Variants in CIT observed in about 807,000 individuals in gnomAD.
CIT encodes citron Rho-interacting kinase.
In CIT, 79 loss-of-function variants were observed where a neutral mutation model predicts 272.7. The ratio of observed to expected loss-of-function variants is 0.29; its 90% CI spans 0.24 to 0.35. The LOEUF is 0.35. Ranked by LOEUF, CIT falls within the 10% of genes least tolerant of loss-of-function variation. The probability of loss-of-function intolerance (pLI) is 1.00; values close to 1 mark genes in which losing one functional copy is unlikely to be tolerated. For synonymous variants in CIT, 948 were observed against 995.6 expected (o/e 0.95, Z 0.90); for missense variants, 1,909 against 2,618.3 (o/e 0.73, Z 5.91).
chr12:119,748,141 G>T (rs1019248791), intron 23 of CIT, among the ~76,000 whole-genome samples: 1 of 152,050 alleles, frequency 6.6e-6, no homozygotes, highest in African/African-American at 2.4e-5. Flanking sequence ...CTCCAGCCTG[G>T]GTGACAGAGT....
chr12:119,776,320 C>G (rs1278843606), intron 15 of CIT, 38 bp downstream of exon 15: 1 of 1,568,676 alleles, frequency 6.4e-7, no homozygotes, highest in South Asian at 1.1e-5. Flanking sequence ...GTTATCTACC[C>G]AAAATATTAA....
At position 119,752,132 on chromosome 12, in the gene CIT, G is replaced by A. The variant is rs1420656599; in HGVS notation, c.2822C>T (p.Ala941Val). The A allele has an allele frequency of 1.2e-6, 2 of 1,613,002 alleles. No individual in the cohort carries two copies. Among genetic ancestry groups the A allele is most frequent in the Non-Finnish European group, 8.5e-7 (1 of 1,180,020 alleles). Residue 941 changes from alanine to valine, a missense_variant, in exon 23 of 48, where the codon GCC becomes GTC. By Grantham distance (64) the Ala-to-Val change is moderately conservative. This residue lies in a region of CIT where 530 missense variants were observed against 822.4 expected (regional missense o/e 0.64). Transcript: ENST00000392521. ...CGCCTGGCGAAGCTGGCTCTCCAGG[G>A]CCGCCCGTGCAGCCTGCAGGGCTGT... ...QLTALQAARA[A>V]LESQLRQAKT...
chr12:119,726,543 T>A (rs1341533701), intron 28 of CIT, among the ~76,000 whole-genome samples: 1 of 152,004 alleles, frequency 6.6e-6, no homozygotes, highest in African/African-American at 2.4e-5. Context: ...CCCGCAAAAA[T>A]GTCACTATAC....
chr12:119,720,735 A>C, intron 29 of CIT, 150 bp from the exon 30 acceptor site: 3 of 505,106 alleles, frequency 5.9e-6, no homozygotes. Context: ...TATTTAGTCC[A>C]GTTTTACTGC....
At chr12:119,855,355 G>A (rs1400281565) in intron 4 of CIT, among the ~76,000 whole-genome samples, 1 of 151,996 alleles carries the variant, frequency 6.6e-6, no homozygotes, top group Non-Finnish European at 1.5e-5. Context: ...CCTGGGAGGC[G>A]GAGCTTGCAG....
Position 119,752,238 on chromosome 12 carries a change from C to G in CIT, c.2716G>C (p.Glu906Gln), listed in dbSNP as rs189689357. ...LETRLREVSL[E>Q]HEEQKLELKR... ...AGCTCCAGTTTCTGCTCCTCGTGCT[C>G]TAGACTGACCTGAGACAGAGAGAGA... The change falls in exon 23 of 48, where the codon GAG becomes CAG. Residue 906 changes from glutamate to glutamine, a missense_variant. Glu to Gln is a conservative substitution (Grantham distance 29, BLOSUM62 2). Coordinates refer to ENST00000392521, the MANE Select transcript of CIT (RefSeq NM_001206999.2). 3.5e-5 allele frequency: 56 copies of G among 1,605,306 alleles called. No homozygotes were observed. The highest frequency in any genetic ancestry group is 8.5e-7 in the Non-Finnish European group (1 of 1,178,352).
At chr12:119,825,428 C>A in intron 7 of CIT, 60 bp from the exon 8 acceptor site, 1 of 1,466,896 alleles carries the variant, frequency 6.8e-7, no homozygotes, top group South Asian at 1.2e-5. Flanking sequence ...AGTAGACTGC[C>A]AACAGCCACA....
At chr12:119,744,923 A>G (rs892164168) in intron 23 of CIT, among the ~76,000 whole-genome samples, 1 of 152,100 alleles carries the variant, frequency 6.6e-6, no homozygotes, top group African/African-American at 2.4e-5. Flanking sequence ...ATGAAACACA[A>G]TGAGAAAAGA....
Position 119,764,308 on chromosome 12 carries a change from A to G in CIT, c.2304+2779T>C, listed in dbSNP as rs187498726. 4.3e-4 allele frequency among the ~76,000 whole-genome samples: 65 copies of G among 152,366 alleles called. 1 individual carries two copies. Among genetic ancestry groups the G allele is most frequent in the African/African-American group, 1.5e-3 (61 of 41,586 alleles). ...TACAGATGATAAAATAACTATGCTC[A>G]GTACATTTAAAGAAAGAAAAGTTAG... On this transcript the variant is annotated intron_variant, in intron 19 of 47. Transcript: ENST00000392521.
intron 39 of CIT, among the ~76,000 whole-genome samples, chr12:119,708,783 C>T (rs1486045790): frequency 2.6e-5 from 4 of 152,174 alleles, no homozygotes; most frequent in South Asian, 2.1e-4. Flanking sequence ...CCACCACGCC[C>T]GGCCCAAGTC....
intron 5 of CIT, 67 bp downstream of exon 5, chr12:119,850,107 T>C: frequency 1.0e-6 from 1 of 993,228 alleles, no homozygotes; most frequent in Non-Finnish European, 1.6e-6. Context: ...CAACATTCAG[T>C]TCTACCACAG....
At chr12:119,863,529 T>TTTTG (rs1172592528) in intron 3 of CIT, among the ~76,000 whole-genome samples, 1 of 152,074 alleles carries the variant, frequency 6.6e-6, no homozygotes, top group Non-Finnish European at 1.5e-5. Context: ...TTTTTGTTTT[T>TTTTG]TTTGTTTGTT....
intron 44 of CIT, among the ~76,000 whole-genome samples, chr12:119,699,561 G>T (rs1342305398): frequency 6.6e-6 from 1 of 152,202 alleles, no homozygotes; most frequent in African/African-American, 2.4e-5. Context: ...TGGTGGAAGT[G>T]AGCACGCTTG....
At chr12:119,854,109 C>T (rs1384769751) in intron 4 of CIT, among the ~76,000 whole-genome samples, 2 of 151,896 alleles carry the variant, frequency 1.3e-5, no homozygotes, top group African/African-American at 4.8e-5. Flanking sequence ...CTCACTGCAA[C>T]CTCTGCCTCC....
chr12:119,876,160 C>T lies in CIT; in HGVS notation c.9G>A (p.Lys3=). ML[K]FKYGARNPLD... ...AAGGATTCCGCGCTCCATATTTGAACTTCAACATCTCCCCACTGGCGCTGA... is the reference window on the plus strand; with the variant it reads ...AAGGATTCCGCGCTCCATATTTGAATTTCAACATCTCCCCACTGGCGCTGA... The change falls in exon 2 of 48, where the codon AAG becomes AAA. Residue 3 remains lysine, a synonymous_variant. Transcript: ENST00000392521. 6.2e-7 allele frequency: 1 copy of T among 1,612,822 alleles called. No individual in the cohort carries two copies. The highest frequency in any genetic ancestry group is 8.5e-7 in the Non-Finnish European group (1 of 1,179,116).
chr12:119,822,761 T>C (rs1310373589), intron 9 of CIT, 59 bp downstream of exon 9: 2 of 1,563,512 alleles, frequency 1.3e-6, no homozygotes, highest in Non-Finnish European at 8.7e-7. Flanking sequence ...CAATCTCAGA[T>C]CTCTCTTGAG....
chr12:119,742,783 T>G, intron 23 of CIT: 1 of 231,306 alleles, frequency 4.3e-6, no homozygotes. Context: ...AGTTTTACTC[T>G]CCTTCATTTG....
chr12:119,857,488 G>GA, intron 4 of CIT, 35 bp downstream of exon 4: 1 of 1,609,704 alleles, frequency 6.2e-7, no homozygotes. Flanking sequence ...CTCCGGTACA[G>GA]AAAGTGGAAA....
At chr12:119,744,676 C>A (rs371823867) in intron 23 of CIT, among the ~76,000 whole-genome samples, 8 of 145,396 alleles carry the variant, frequency 5.5e-5, no homozygotes, top group African/African-American at 2.1e-4. Context: ...GATCACGCCA[C>A]CACACTCCAG....
Sources: allele counts gnomAD v4.1 joint callset (sites outside exome capture counted in the v4.1 genomes callset), GRCh38; gene constraint gnomAD v4.1.1; regional missense constraint gnomAD v4.1.1; transcripts MANE v1.5; gene names NCBI Gene and HGNC (gene_info 2026-07-23, HGNC 2026-07-21).